The following LINS1 variants were observed in gnomAD, a reference collection of about 807,000 sequenced individuals.
The protein encoded by LINS1 is lines homolog 1.
In LINS1, 27 loss-of-function variants were observed where a neutral mutation model predicts 41.6. That is an observed-to-expected ratio of 0.65 (90% CI 0.48 to 0.89). The LOEUF (loss-of-function observed/expected upper bound fraction) is 0.89. Among genes scored for constraint, LINS1 ranks in the 40% least tolerant of loss-of-function variants. The probability of loss-of-function intolerance (pLI) is 0.00; values close to 1 mark genes in which losing one functional copy is unlikely to be tolerated. For missense variants in LINS1, 955 were observed against 884.1 expected, an observed-to-expected ratio of 1.08 and a Z score of -1.02; for synonymous variants, 336 against 312.9, an observed-to-expected ratio of 1.07 and a Z score of -0.78.
chr15:100,570,380 C>T (rs867166161), intron 6 of LINS1: 94 of 353,494 alleles, frequency 2.7e-4, no homozygotes, highest in African/African-American at 1.9e-3. Context: ...TTTCTCTCGA[C>T]ATCAGAACTC....
chr15:100,597,702 C>T (rs550115011), intron 1 of LINS1, among the ~76,000 whole-genome samples: 268 of 152,276 alleles, frequency 1.8e-3, no homozygotes, highest in African/African-American at 6.2e-3. Flanking sequence ...CTTAGTCTTC[C>T]CCTTTTCCAG....
In LINS1 at chr15:100,574,057, G is replaced by T. The variant is rs772684236; in HGVS notation, c.816C>A (p.Cys272Ter). The change falls in exon 5 of 7, where the codon TGC (cysteine) becomes TGA (stop). Residue 272 changes from cysteine to a stop codon, truncating the protein, a stop_gained. Transcript: ENST00000314742. LOFTEE classifies it high-confidence loss of function. ...ATGGTTTCAAAAATAAAATCCTCTG[G>T]CAAGTGAAATGTAACTTCAGGTGGA... ...SRIHLKLHFTCQRILFLKPSC... is the reference protein window; with the variant it reads ...SRIHLKLHFT 1.9e-6 allele frequency: 3 copies of T among 1,614,122 alleles called. No homozygotes were observed. Among genetic ancestry groups the T allele is most frequent in the East Asian group, 2.2e-5 (1 of 44,876 alleles).
At chr15:100,580,996 A>G in intron 1 of LINS1, 51 bp from the exon 2 acceptor site, 1 of 646,440 alleles carries the variant, frequency 1.5e-6, no homozygotes, top group Non-Finnish European at 2.6e-6. Context: ...TGCTTATTAC[A>G]AGAGAAAGCA....
Position 100,589,932 on chromosome 15 carries a change from G to T in LINS1, c.-103-8987C>A, listed in dbSNP as rs558983494. 1.3e-4 allele frequency among the ~76,000 whole-genome samples: 20 copies of T among 152,280 alleles called. No homozygotes were observed. In the South Asian group the frequency reaches 3.9e-3, roughly 30 times the overall value. ...GACAATCAACCCCTTCACAAATCTAGAGCCTAAAGATTAGATCTTCTGAGA... is the reference window on the plus strand; with the variant it reads ...GACAATCAACCCCTTCACAAATCTATAGCCTAAAGATTAGATCTTCTGAGA... On this transcript the variant is annotated intron_variant, in intron 1 of 6. Coordinates refer to ENST00000314742, the MANE Select transcript of LINS1 (RefSeq NM_001040616.3).
chr15:100,574,013 A>C lies in LINS1; in HGVS notation c.860T>G (p.Ile287Ser), dbSNP rs1344287162. 2 of 1,614,164 alleles carry C rather than the reference A, an allele frequency of 1.2e-6. No homozygotes were observed. Among genetic ancestry groups the C allele is most frequent in the East Asian group, 2.2e-5 (1 of 44,894 alleles). Residue 287 changes from isoleucine (I) to serine (S), a missense_variant, in exon 5 of 7, where the codon ATT becomes AGT. Physicochemically the swap from Ile to Ser is moderately radical, Grantham distance 142. Transcript: ENST00000314742. ...AACAAAAGCCTGAATAGGCCAGGTA[A>C]TAACTTCTAGCATGCAAGATGGTTT... The part of the protein sequence containing the change: ...FLKPSCMLEV[I>S]TWPIQAFVKR...
intron 1 of LINS1, among the ~76,000 whole-genome samples, chr15:100,600,580 AATC>A (rs945060943): frequency 2.7e-5 from 4 of 149,828 alleles, no homozygotes; most frequent in Non-Finnish European, 5.9e-5. Context: ...AACAGGGAGA[AATC>A]ATGGTAGAAT....
intron 4 of LINS1, 137 bp from the exon 5 acceptor site, chr15:100,574,378 A>T: frequency 1.5e-6 from 1 of 666,974 alleles, no homozygotes; most frequent in East Asian, 2.7e-5. Context: ...TTAACAAATG[A>T]GGTTACACAG....
chr15:100,594,471 A>G (rs2039164126), intron 1 of LINS1, among the ~76,000 whole-genome samples: 1 of 152,196 alleles, frequency 6.6e-6, no homozygotes, highest in Admixed American at 6.5e-5. Context: ...AACAAAACAA[A>G]GGGCAGTTAT....
chr15:100,594,954 T>C (rs553063179), intron 1 of LINS1, among the ~76,000 whole-genome samples: 1 of 152,304 alleles, frequency 6.6e-6, no homozygotes, highest in African/African-American at 2.4e-5. Context: ...CCACTGTTCC[T>C]CCTCGGGCAT....
chr15:100,582,208 G>C (rs891770680), intron 1 of LINS1, among the ~76,000 whole-genome samples: 1 of 145,186 alleles, frequency 6.9e-6, no homozygotes, highest in African/African-American at 2.5e-5. Context: ...CTACACTATG[G>C]CCACTAGCCT....
Position 100,569,412 on chromosome 15 carries a change from A to T in LINS1, c.2100T>A (p.Asn700Lys), listed in dbSNP as rs776360316. The change falls in exon 7 of 7, where the codon AAT (asparagine) becomes AAA (lysine). Residue 700 changes from asparagine (N) to lysine (K), a missense_variant. Asn to Lys is a moderately conservative substitution (Grantham distance 94). Coordinates refer to ENST00000314742, the MANE Select transcript of LINS1 (RefSeq NM_001040616.3). ...AFSFDCEVAP[N>K]DVVSEVGIFY... ...ATATTCCCACTTCAGAGACGACATCATTTGGGGCTACTTCACAATCAAAGG... is the reference window on the plus strand; with the variant it reads ...ATATTCCCACTTCAGAGACGACATCTTTTGGGGCTACTTCACAATCAAAGG... The T allele has an allele frequency of 6.2e-7, 1 of 1,614,162 alleles. No individual in the cohort carries two copies. Among genetic ancestry groups the T allele is most frequent in the Admixed American group, 1.7e-5 (1 of 60,010 alleles).
intron 1 of LINS1, among the ~76,000 whole-genome samples, chr15:100,596,566 ATTAT>A (rs1165317392): frequency 4.6e-5 from 7 of 152,246 alleles, no homozygotes; most frequent in Non-Finnish European, 8.8e-5. Flanking sequence ...GGAGCTAGAA[ATTAT>A]TTAGACAGAT....
chr15:100,569,656 G>A lies in LINS1; in HGVS notation c.1856C>T (p.Ser619Phe), dbSNP rs775785263. The change falls in exon 7 of 7, where the codon TCC (serine) becomes TTC (phenylalanine). Residue 619 changes from serine to phenylalanine, a missense_variant. Transcript: ENST00000314742. ...AHTMCASSLSSPRASQSLVDY... is the reference protein window; with the variant it reads ...AHTMCASSLSFPRASQSLVDY... ...TACCAGACTTTGAGAGGCCCGGGGG[G>A]AAGACAGACTAGAAGCACACATGGT... 7 of 1,613,396 alleles carry A rather than the reference G, an allele frequency of 4.3e-6. No individual in the cohort carries two copies. The highest frequency in any genetic ancestry group is 2.2e-5 in the South Asian group (2 of 91,018).
intron 1 of LINS1, among the ~76,000 whole-genome samples, chr15:100,584,737 A>G (rs939466113): frequency 6.6e-6 from 1 of 152,154 alleles, no homozygotes; most frequent in South Asian, 2.1e-4. Flanking sequence ...CTCCAATTCA[A>G]TTCTACATTA....
intron 3 of LINS1, among the ~76,000 whole-genome samples, chr15:100,579,335 T>C (rs2038388291): frequency 6.6e-6 from 1 of 151,870 alleles, no homozygotes; most frequent in Non-Finnish European, 1.5e-5. Flanking sequence ...TACTGGATTC[T>C]AAGTTTCAAG....
chr15:100,574,150 A>C lies in LINS1; in HGVS notation c.723T>G (p.Asp241Glu). 6.2e-7 allele frequency: 1 copy of C among 1,613,978 alleles called. No homozygotes were observed. The highest frequency in any genetic ancestry group is 8.5e-7 in the Non-Finnish European group (1 of 1,179,818). The change falls in exon 5 of 7, where the codon GAT (aspartate) becomes GAG (glutamate). Residue 241 changes from aspartate (D) to glutamate (E), a missense_variant. Physicochemically the swap from Asp to Glu is conservative, Grantham distance 45 (BLOSUM62 2). Transcript: ENST00000314742. ...LFSQHFENCRDTSKIVNILMC... is the reference protein window; with the variant it reads ...LFSQHFENCRETSKIVNILMC... ...TCAGGATGTTTACTATTTTAGAAGT[A>C]TCCCGGCAGTTTTCAAAATGCTGAG...
intron 1 of LINS1, among the ~76,000 whole-genome samples, chr15:100,581,640 T>C (rs1449392856): frequency 6.6e-6 from 1 of 152,216 alleles, no homozygotes; most frequent in Non-Finnish European, 1.5e-5. Flanking sequence ...AAGAGATTAC[T>C]GAATATCATG....
intron 1 of LINS1, among the ~76,000 whole-genome samples, chr15:100,582,888 C>A (rs996684892): frequency 6.7e-6 from 1 of 149,784 alleles, no homozygotes; most frequent in Non-Finnish European, 1.5e-5. Flanking sequence ...ACACTACGGC[C>A]CACTAGCCTA....
intron 3 of LINS1, among the ~76,000 whole-genome samples, chr15:100,579,787 T>C (rs950612728): frequency 6.6e-6 from 1 of 152,196 alleles, no homozygotes; most frequent in Non-Finnish European, 1.5e-5. Context: ...AGGCTTGTTC[T>C]CAACTGGTGG....
Sources: gnomAD v4.1 joint callset for allele counts (sites outside exome capture counted in the v4.1 genomes callset) on GRCh38, gnomAD v4.1.1 for gene constraint, MANE v1.5 for transcripts, NCBI Gene and HGNC (gene_info 2026-07-23, HGNC 2026-07-21) for gene names.